The following NRG3 variants were observed in gnomAD, a reference collection of about 807,000 sequenced individuals.
The protein encoded by NRG3 is pro-neuregulin-3, membrane-bound isoform.
NRG3 carries 31 observed loss-of-function variants against 66.9 expected under a neutral mutation model. That is an observed-to-expected ratio of 0.46 (90% confidence interval 0.35 to 0.63). NRG3 has a LOEUF of 0.63. Ranked by LOEUF, NRG3 falls within the 20% of genes least tolerant of loss-of-function variation. NRG3 has a pLI of 0.00. For synonymous variants in NRG3, 393 were observed against 359.4 expected (o/e 1.09, Z -1.06); for missense variants, 910 against 878.9 (o/e 1.04, Z -0.45).
intron 1 of NRG3, among the ~76,000 whole-genome samples, chr10:82,188,105 C>A (rs1038372616): frequency 6.6e-6 from 1 of 151,902 alleles, no homozygotes; most frequent in African/African-American, 2.4e-5. Flanking sequence ...TACTGGCATA[C>A]AAAAAGACAC....
chr10:82,652,318 G>T (rs1173996166), intron 2 of NRG3, among the ~76,000 whole-genome samples: 1 of 152,148 alleles, frequency 6.6e-6, no homozygotes, highest in East Asian at 1.9e-4. Flanking sequence ...CCCTTATCTA[G>T]CATCTAGGAG....
At chr10:82,500,703 T>C (rs138728477) in intron 2 of NRG3, among the ~76,000 whole-genome samples, 102 of 152,322 alleles carry the variant, frequency 6.7e-4, no homozygotes, top group Admixed American at 1.2e-3. Context: ...TGGGTAGGAA[T>C]CACTGGATTT....
At chr10:81,938,772 CT>C (rs1848140662) in intron 1 of NRG3, among the ~76,000 whole-genome samples, 1 of 151,936 alleles carries the variant, frequency 6.6e-6, no homozygotes, top group Non-Finnish European at 1.5e-5. Flanking sequence ...TCTAATTGCT[CT>C]GGTTAGGACT....
chr10:82,034,022 A>C (rs2062684651), intron 1 of NRG3, among the ~76,000 whole-genome samples: 1 of 152,174 alleles, frequency 6.6e-6, no homozygotes, highest in Non-Finnish European at 1.5e-5. Context: ...GATTTAAAGT[A>C]GGTGGTCAAA....
At chr10:82,405,242 G>A (rs539351924) in intron 2 of NRG3, among the ~76,000 whole-genome samples, 5 of 152,202 alleles carry the variant, frequency 3.3e-5, no homozygotes, top group Non-Finnish European at 5.9e-5. Flanking sequence ...TTAGAAGGAT[G>A]TGTGCATACC....
intron 1 of NRG3, among the ~76,000 whole-genome samples, chr10:82,142,819 G>C (rs1236826138): frequency 7.2e-6 from 1 of 138,378 alleles, no homozygotes; most frequent in African/African-American, 2.7e-5. Flanking sequence ...TCTCCAGGCT[G>C]GAATGCAGTG....
chr10:82,864,741 C>A (rs1169916935), intron 3 of NRG3, among the ~76,000 whole-genome samples: 2 of 152,126 alleles, frequency 1.3e-5, no homozygotes, highest in Non-Finnish European at 2.9e-5. Context: ...CATGGACACA[C>A]ATATTTGTGT....
chr10:82,548,466 A>G (rs1433608995), intron 2 of NRG3, among the ~76,000 whole-genome samples: 2 of 151,868 alleles, frequency 1.3e-5, no homozygotes, highest in Admixed American at 6.6e-5. Flanking sequence ...CTTGTTACCT[A>G]TAGCTTCAAC....
intron 5 of NRG3, among the ~76,000 whole-genome samples, chr10:82,953,957 C>CAA (rs5786582): frequency 0.013 from 1,883 of 141,496 alleles, 28 homozygotes; most frequent in African/African-American, 0.028. Flanking sequence ...GATTCAGTCT[C>CAA]AAAAAAAAAA....
At chr10:81,999,661 A>G (rs1464615932) in intron 1 of NRG3, among the ~76,000 whole-genome samples, 1 of 152,236 alleles carries the variant, frequency 6.6e-6, no homozygotes, top group Non-Finnish European at 1.5e-5. Flanking sequence ...TGTGCTCATA[A>G]GAAATCAATT....
intron 1 of NRG3, among the ~76,000 whole-genome samples, chr10:82,172,785 A>T (rs2072730287): frequency 6.6e-6 from 1 of 152,092 alleles, no homozygotes; most frequent in South Asian, 2.1e-4. Flanking sequence ...CTTGACCCAT[A>T]ATGTAATGTA....
intron 1 of NRG3, among the ~76,000 whole-genome samples, chr10:82,273,653 T>G (rs2078708123): frequency 6.6e-6 from 1 of 152,026 alleles, no homozygotes; most frequent in African/African-American, 2.4e-5. Context: ...GTGTTGATAA[T>G]ATGTGGTTTC....
At chr10:82,443,464 C>G (rs2090550344) in intron 2 of NRG3, among the ~76,000 whole-genome samples, 1 of 152,194 alleles carries the variant, frequency 6.6e-6, no homozygotes, top group African/African-American at 2.4e-5. Context: ...TTTAAGAACA[C>G]ACAGTTTCAT....
intron 2 of NRG3, among the ~76,000 whole-genome samples, chr10:82,726,771 A>G (rs1402759687): frequency 3.3e-5 from 5 of 152,230 alleles, no homozygotes; most frequent in South Asian, 4.1e-4. Flanking sequence ...AGAGGTTGGA[A>G]CAGTTTGGAG....
intron 1 of NRG3, among the ~76,000 whole-genome samples, chr10:82,102,923 C>G (rs10884195): frequency 0.088 from 13,407 of 152,060 alleles, 811 homozygotes; most frequent in East Asian, 0.33. Context: ...TCGATATTTA[C>G]CATTCTGTTG....
intron 2 of NRG3, among the ~76,000 whole-genome samples, chr10:82,492,202 G>T (rs1215409101): frequency 6.6e-6 from 1 of 152,164 alleles, no homozygotes; most frequent in Non-Finnish European, 1.5e-5. Context: ...TGAGCTTGAA[G>T]GTTGACATGG....
At chr10:82,484,888 T>C (rs1286057916) in intron 2 of NRG3, among the ~76,000 whole-genome samples, 1 of 152,218 alleles carries the variant, frequency 6.6e-6, no homozygotes, top group Non-Finnish European at 1.5e-5. Flanking sequence ...CCCATTTCTG[T>C]ATGCAAGAGT....
chr10:82,971,555 G>T (rs1851739888), intron 6 of NRG3, among the ~76,000 whole-genome samples: 3 of 151,132 alleles, frequency 2.0e-5, no homozygotes, highest in Admixed American at 2.0e-4. Flanking sequence ...TCCTGCCTCA[G>T]CCTCCTGAGT....
At chr10:81,887,429 A>G (rs1330350374) in intron 1 of NRG3, among the ~76,000 whole-genome samples, 2 of 152,166 alleles carry the variant, frequency 1.3e-5, no homozygotes, top group Admixed American at 1.3e-4. Context: ...TACACATATT[A>G]ATCAACTATC....
Sources: allele counts gnomAD v4.1 joint callset (sites outside exome capture counted in the v4.1 genomes callset), GRCh38; gene constraint gnomAD v4.1.1; transcripts MANE v1.5; gene names NCBI Gene and HGNC (gene_info 2026-07-23, HGNC 2026-07-21).